Variants in CNTN5 observed in about 807,000 individuals in gnomAD.
CNTN5 encodes contactin-5.
Under a neutral mutation model 129.1 loss-of-function variants are expected in CNTN5, and 77 were observed. The ratio of observed to expected loss-of-function variants is 0.60; its 90% CI spans 0.50 to 0.72. CNTN5 has a LOEUF of 0.72. Ranked by LOEUF, CNTN5 falls within the 30% of genes least tolerant of loss-of-function variation. CNTN5 has a pLI of 0.00. For synonymous variants in CNTN5, 509 were observed against 465.6 expected (o/e 1.09, Z -1.20); for missense variants, 1,478 against 1,328.8 (o/e 1.11, Z -1.75).
chr11:99,195,574 T>C (rs781367386), intron 1 of CNTN5, among the ~76,000 whole-genome samples: 13 of 152,056 alleles, frequency 8.5e-5, no homozygotes, highest in African/African-American at 2.4e-4. Flanking sequence ...CTAGTAAGGG[T>C]TGAAATTCTG....
chr11:99,744,942 T>C (rs1944006952), intron 3 of CNTN5, among the ~76,000 whole-genome samples: 1 of 152,174 alleles, frequency 6.6e-6, no homozygotes, highest in Non-Finnish European at 1.5e-5. Context: ...TTTTTAGCGT[T>C]CTATTCCTTC....
At chr11:100,115,029 T>C (rs1464592940) in intron 13 of CNTN5, among the ~76,000 whole-genome samples, 4 of 145,796 alleles carry the variant, frequency 2.7e-5, no homozygotes, top group Non-Finnish European at 5.9e-5. Context: ...TCACCACCAG[T>C]CAGTTTCTTT....
At chr11:99,500,040 G>A (rs887549895) in intron 2 of CNTN5, among the ~76,000 whole-genome samples, 7 of 152,098 alleles carry the variant, frequency 4.6e-5, no homozygotes, top group Non-Finnish European at 7.4e-5. Context: ...TGAGTTCTGG[G>A]TTGTAGCTTC....
At chr11:99,381,473 G>T (rs1940557762) in intron 2 of CNTN5, among the ~76,000 whole-genome samples, 1 of 152,132 alleles carries the variant, frequency 6.6e-6, no homozygotes, top group Non-Finnish European at 1.5e-5. Context: ...AAAGGACAAA[G>T]AAATGGCTGT....
intron 2 of CNTN5, among the ~76,000 whole-genome samples, chr11:99,508,638 TG>T (rs1946716525): frequency 6.6e-6 from 1 of 152,100 alleles, no homozygotes; most frequent in African/African-American, 2.4e-5. Context: ...TTATATCAAC[TG>T]AAGTGACTCA....
At chr11:99,673,339 G>C (rs638762) in intron 3 of CNTN5, among the ~76,000 whole-genome samples, 150,957 of 152,286 alleles carry the variant, frequency 0.99, 74,840 homozygotes, top group East Asian at 1. Context: ...CAATCTTACA[G>C]TCCTTTGTAA....
At chr11:99,419,561 C>T (rs1942798116) in intron 2 of CNTN5, among the ~76,000 whole-genome samples, 2 of 152,068 alleles carry the variant, frequency 1.3e-5, no homozygotes. Context: ...AAAACAGAGC[C>T]TGACAGCAAT....
chr11:99,091,469 G>A (rs1275738858), intron 1 of CNTN5, among the ~76,000 whole-genome samples: 3 of 152,224 alleles, frequency 2.0e-5, no homozygotes, highest in Non-Finnish European at 4.4e-5. Flanking sequence ...TCACAGAGTA[G>A]AAAGCTGTTA....
chr11:99,656,148 T>C (rs1317931536), intron 3 of CNTN5, among the ~76,000 whole-genome samples: 1 of 152,008 alleles, frequency 6.6e-6, no homozygotes, highest in East Asian at 1.9e-4. Flanking sequence ...TTTGCAGTCA[T>C]AGATAAATTA....
intron 3 of CNTN5, among the ~76,000 whole-genome samples, chr11:99,641,629 G>A (rs970611027): frequency 2.6e-5 from 4 of 152,136 alleles, no homozygotes; most frequent in African/African-American, 4.8e-5. Flanking sequence ...AAGAGATGTC[G>A]GCTAATGGGG....
At chr11:99,428,546 T>TGA (rs1943230003) in intron 2 of CNTN5, among the ~76,000 whole-genome samples, 1 of 134,186 alleles carries the variant, frequency 7.5e-6, no homozygotes, top group South Asian at 2.3e-4. Flanking sequence ...GACAAGAGAG[T>TGA]GAGACCCTGT....
intron 8 of CNTN5, among the ~76,000 whole-genome samples, chr11:100,001,794 A>G (rs578091125): frequency 1.3e-5 from 2 of 152,350 alleles, no homozygotes; most frequent in Admixed American, 1.3e-4. Flanking sequence ...AACAATTTCA[A>G]TAATTATTAG....
intron 2 of CNTN5, among the ~76,000 whole-genome samples, chr11:99,543,561 A>G (rs1045639998): frequency 4.6e-5 from 7 of 152,206 alleles, no homozygotes; most frequent in Non-Finnish European, 7.3e-5. Flanking sequence ...ACAATGGTCT[A>G]AAAATATCAA....
At chr11:99,057,932 G>A (rs921084150) in intron 1 of CNTN5, among the ~76,000 whole-genome samples, 1 of 151,794 alleles carries the variant, frequency 6.6e-6, no homozygotes, top group African/African-American at 2.4e-5. Context: ...AACAGACAGT[G>A]AGGGAAAAAT....
chr11:99,179,782 T>C (rs773750854), intron 1 of CNTN5, among the ~76,000 whole-genome samples: 4 of 152,192 alleles, frequency 2.6e-5, no homozygotes, highest in Non-Finnish European at 5.9e-5. Flanking sequence ...ATATCTTCTG[T>C]AGTAATGTAG....
chr11:100,034,858 C>T (rs779231912), intron 9 of CNTN5, among the ~76,000 whole-genome samples: 2 of 152,062 alleles, frequency 1.3e-5, no homozygotes, highest in Non-Finnish European at 2.9e-5. Flanking sequence ...CAGGATATGT[C>T]CAGGTTGATT....
At chr11:100,251,555 A>T (rs1337596033) in intron 16 of CNTN5, among the ~76,000 whole-genome samples, 1 of 151,736 alleles carries the variant, frequency 6.6e-6, no homozygotes, top group Admixed American at 6.6e-5. Context: ...CCTTTAACAA[A>T]TCTCTCCCTA....
At chr11:99,690,399 T>C (rs968706622) in intron 3 of CNTN5, among the ~76,000 whole-genome samples, 5 of 152,054 alleles carry the variant, frequency 3.3e-5, no homozygotes, top group Non-Finnish European at 7.4e-5. Flanking sequence ...GTTGTTCTTG[T>C]TTTGTTTCTT....
At chr11:99,280,420 T>G (rs576934128) in intron 1 of CNTN5, among the ~76,000 whole-genome samples, 1 of 151,898 alleles carries the variant, frequency 6.6e-6, no homozygotes, top group South Asian at 2.1e-4. Context: ...TGAGCCTACC[T>G]AAGGTGGAAT....
Sources: gnomAD v4.1 joint callset for allele counts (sites outside exome capture counted in the v4.1 genomes callset) on GRCh38, gnomAD v4.1.1 for gene constraint, MANE v1.5 for transcripts, NCBI Gene and HGNC (gene_info 2026-07-23, HGNC 2026-07-21) for gene names.